NOL9: variants seen among roughly 807,000 people sequenced by gnomAD.
NOL9 encodes the protein nucleolar protein 9.
A neutral mutation model predicts 67.9 loss-of-function variants in NOL9; 28 were observed. The observed-to-expected ratio is 0.41, with a 90% CI of 0.31 to 0.57. The LOEUF (loss-of-function observed/expected upper bound fraction) is 0.57, where lower values mean the gene tolerates loss of function less well. Ranked by LOEUF, NOL9 falls within the 20% of genes least tolerant of loss-of-function variation. The probability of loss-of-function intolerance (pLI) is 0.25; values close to 1 mark genes in which losing one functional copy is unlikely to be tolerated. For synonymous variants in NOL9, 356 were observed against 352.2 expected, an observed-to-expected ratio of 1.01 and a Z score of -0.12; for missense variants, 777 against 897.0, an observed-to-expected ratio of 0.87 and a Z score of 1.71.
chr1:6,526,470 C>T (rs1000850745), intron 11 of NOL9, among the ~76,000 whole-genome samples: 7 of 152,158 alleles, frequency 4.6e-5, no homozygotes, highest in Non-Finnish European at 7.3e-5. Flanking sequence ...GGCTCCACCA[C>T]GGGTTGCAGT....
In NOL9 at chr1:6,526,840, C is replaced by G. The variant is rs762847107; in HGVS notation, c.1826-11G>C. 3.2e-6 allele frequency: 5 copies of G among 1,573,268 alleles called. No individual in the cohort carries two copies. Among genetic ancestry groups the G allele is most frequent in the Non-Finnish European group, 4.3e-6 (5 of 1,161,762 alleles). ...TGCCTCTACAGATGCCTTCAAGACA[C>G]GCGCACAACACAAAAATCACCCTTT... On this transcript the variant is annotated splice_polypyrimidine_tract_variant and intron_variant, in intron 10 of 11. Transcript: ENST00000377705.
intron 3 of NOL9, among the ~76,000 whole-genome samples, chr1:6,545,781 G>A (rs912694182): frequency 1.3e-5 from 2 of 152,080 alleles, no homozygotes; most frequent in Non-Finnish European, 2.9e-5. Flanking sequence ...GGGCGCAGTG[G>A]TGCACGCCTG....
rs1011642128 is a variant in NOL9 at position 6,523,941 on chromosome 1, G to C, written c.*1913C>G. 2.0e-5 allele frequency: 3 copies of C among 152,208 alleles called. No individual in the cohort carries two copies. The highest frequency in any genetic ancestry group is 7.2e-5 in the African/African-American group (3 of 41,448). 9.4% of individuals were successfully genotyped at this position (152,208 alleles called of 1,614,324 possible). A position where few individuals can be genotyped will look rare whatever the true frequency, so the allele number is the denominator to read the frequency against. ...ACAGGGCACCAGTTTCATTCTTCCA[G>C]AGCCTTGCTGCAAATGACCTCCAGT... On this transcript the variant is annotated 3_prime_UTR_variant, in exon 12 of 12. Coordinates refer to ENST00000377705, the MANE Select transcript of NOL9 (RefSeq NM_024654.5).
chr1:6,537,398 G>T (rs148513756), intron 6 of NOL9, among the ~76,000 whole-genome samples: 16 of 152,218 alleles, frequency 1.1e-4, no homozygotes, highest in African/African-American at 3.9e-4. Context: ...AAACTAAAAA[G>T]CTTCTGCATA....
At chr1:6,550,657 C>T (rs1229096622) in intron 1 of NOL9, 42 bp from the exon 2 acceptor site, 7 of 1,208,546 alleles carry the variant, frequency 5.8e-6, no homozygotes, top group Non-Finnish European at 8.4e-6. Context: ...TAGATCATGT[C>T]ACTAATGACT....
At chr1:6,546,518 C>G (rs908626923) in intron 3 of NOL9, among the ~76,000 whole-genome samples, 1 of 152,168 alleles carries the variant, frequency 6.6e-6, no homozygotes, top group African/African-American at 2.4e-5. Flanking sequence ...ATTTCATTTC[C>G]CAGTGCAGCA....
chr1:6,526,664 C>T, intron 11 of NOL9, 32 bp downstream of exon 11: 2 of 1,584,100 alleles, frequency 1.3e-6, no homozygotes, highest in Non-Finnish European at 1.7e-6. Context: ...TGAGTAGGCT[C>T]CTTCCAGGGC....
intron 1 of NOL9, among the ~76,000 whole-genome samples, chr1:6,553,350 T>C (rs1439827376): frequency 6.6e-6 from 1 of 152,146 alleles, no homozygotes; most frequent in East Asian, 1.9e-4. Context: ...TGAGTTCGAC[T>C]CCTAGCTCTC....
chr1:6,535,790 TGGTGGCG>T (rs1266116402), intron 6 of NOL9, among the ~76,000 whole-genome samples: 6 of 151,870 alleles, frequency 4.0e-5, no homozygotes, highest in Admixed American at 1.3e-4. Flanking sequence ...TAGCCAGGCA[TGGTGGCG>T]GGTGCCTGTA....
intron 6 of NOL9, among the ~76,000 whole-genome samples, chr1:6,539,404 G>A (rs1338229220): frequency 1.3e-5 from 2 of 152,216 alleles, no homozygotes; most frequent in Admixed American, 1.3e-4. Flanking sequence ...GAAGCCAAGT[G>A]TCCCTTAACA....
intron 6 of NOL9, among the ~76,000 whole-genome samples, chr1:6,539,699 G>C (rs912890052): frequency 6.6e-6 from 1 of 151,986 alleles, no homozygotes; most frequent in Non-Finnish European, 1.5e-5. Flanking sequence ...TGCTACCCTG[G>C]TCTCAAACTC....
chr1:6,529,315 G>T, intron 9 of NOL9, 144 bp from the exon 10 acceptor site: 1 of 741,628 alleles, frequency 1.3e-6, no homozygotes, highest in Non-Finnish European at 2.2e-6. Flanking sequence ...AAACAGCCAG[G>T]CACAGTGGCT....
chr1:6,538,482 G>T (rs1451438155), intron 6 of NOL9, among the ~76,000 whole-genome samples: 1 of 152,154 alleles, frequency 6.6e-6, no homozygotes, highest in African/African-American at 2.4e-5. Context: ...GACCAGCCTG[G>T]CCAACATGGT....
chr1:6,527,716 G>A (rs865775240), intron 10 of NOL9, among the ~76,000 whole-genome samples: 4 of 151,808 alleles, frequency 2.6e-5, no homozygotes, highest in African/African-American at 4.8e-5. Context: ...GGCAGATCAC[G>A]AGGTCAGGAG....
chr1:6,534,860 G>C (rs926367417), intron 6 of NOL9, among the ~76,000 whole-genome samples: 2 of 152,070 alleles, frequency 1.3e-5, no homozygotes, highest in African/African-American at 4.8e-5. Flanking sequence ...CTGGAGTGCA[G>C]TGGCGCAATC....
At chr1:6,551,390 C>G (rs1472037301) in intron 1 of NOL9, among the ~76,000 whole-genome samples, 2 of 151,874 alleles carry the variant, frequency 1.3e-5, no homozygotes, top group South Asian at 2.1e-4. Flanking sequence ...TTGAGACCAG[C>G]CTGGATAACA....
chr1:6,530,415 T>C (rs1214654925), intron 9 of NOL9, among the ~76,000 whole-genome samples: 3 of 152,186 alleles, frequency 2.0e-5, no homozygotes, highest in South Asian at 2.1e-4. Flanking sequence ...GCACGTGGCA[T>C]TGCACTCTGG....
rs1639613802 is a variant in NOL9, at chr1:6,554,192, G to A, written c.311C>T (p.Ala104Val). The change falls in exon 1 of 12, where the codon GCC becomes GTC. Residue 104 changes from alanine to valine, a missense_variant. Ala to Val is a moderately conservative substitution (Grantham distance 64). Around this residue, in one of 2 missense-constraint regions of NOL9, gnomAD observed 364 missense variants for 344.4 expected, o/e 1.06. Transcript: ENST00000377705. The part of the protein sequence containing the change: ...EPESEPELES[A>V]SSCHRPLLIP... ...GAGGAGAGGCCGGTGGCAACTCGAG[G>A]CGGATTCGAGTTCGGGTTCGGACTC... The A allele has an allele frequency of 9.9e-6, 15 of 1,521,946 alleles. No individual in the cohort carries two copies. The highest frequency in any genetic ancestry group is 1.2e-5 in the Non-Finnish European group (14 of 1,134,098). The allele number at this position is 1,521,946 out of a possible 1,614,324, so 94.3% of individuals were successfully genotyped here. A position where few individuals can be genotyped will look rare whatever the true frequency, so the allele number is the denominator to read the frequency against.
intron 3 of NOL9, among the ~76,000 whole-genome samples, chr1:6,545,492 T>C (rs1008645004): frequency 2.6e-5 from 4 of 152,128 alleles, no homozygotes; most frequent in Non-Finnish European, 5.9e-5. Flanking sequence ...CTAGACCAGG[T>C]GAGTGATGTA....
Sources: allele counts gnomAD v4.1 joint callset (sites outside exome capture counted in the v4.1 genomes callset), GRCh38; gene constraint gnomAD v4.1.1; regional missense constraint gnomAD v4.1.1; transcripts MANE v1.5; gene names NCBI Gene and HGNC (gene_info 2026-07-23, HGNC 2026-07-21).